The following RBL2 variants were observed in gnomAD, a reference collection of about 807,000 sequenced individuals.
RBL2 encodes RB transcriptional corepressor like 2.
RBL2 carries 56 observed loss-of-function variants against 126.0 expected under a neutral mutation model. The ratio of observed to expected loss-of-function variants is 0.44; its 90% CI spans 0.36 to 0.56. The LOEUF (loss-of-function observed/expected upper bound fraction) is 0.56. Among genes scored for constraint, RBL2 ranks in the 20% least tolerant of loss-of-function variants. RBL2 has a pLI of 0.00. For missense variants in RBL2, 1,229 were observed against 1,398.2 expected, an observed-to-expected ratio of 0.88 and a Z score of 1.93; for synonymous variants, 454 against 478.5, an observed-to-expected ratio of 0.95 and a Z score of 0.67.
Position 53,491,393 on chromosome 16 carries a change from A to ATATC in RBL2, c.*1095_*1098dup, listed in dbSNP as rs1196059434. 2.0e-5 allele frequency: 3 copies of ATATC among 152,288 alleles called. No individual in the cohort carries two copies. The highest frequency in any genetic ancestry group is 4.8e-5 in the African/African-American group (2 of 41,464). 9.4% of individuals were successfully genotyped at this position (152,288 alleles called of 1,614,324 possible). On this transcript the variant is annotated 3_prime_UTR_variant, in exon 22 of 22. Transcript: ENST00000262133. ...TATTTAACAGCTGAATTATCTATAC[A>ATATC]TATCTTTATTAATCACTATTGTTCC...
At chr16:53,469,734 T>C (rs2058302851) in intron 14 of RBL2, among the ~76,000 whole-genome samples, 182 bp from the exon 15 acceptor site, 1 of 152,250 alleles carries the variant, frequency 6.6e-6, no homozygotes, top group South Asian at 2.1e-4. Flanking sequence ...TAGTGTTCAC[T>C]GAACACGAAT....
At chr16:53,447,400 G>A (rs565808568) in intron 4 of RBL2, among the ~76,000 whole-genome samples, 4 of 152,122 alleles carry the variant, frequency 2.6e-5, no homozygotes, top group Non-Finnish European at 5.9e-5. Flanking sequence ...ACATTATTCT[G>A]TATATGCTTG....
chr16:53,472,046 T>C (rs1397813266), intron 17 of RBL2, among the ~76,000 whole-genome samples: 4 of 152,216 alleles, frequency 2.6e-5, no homozygotes, highest in Non-Finnish European at 4.4e-5. Flanking sequence ...TCCTTTTACT[T>C]AGGATAATAT....
At position 53,445,500 on chromosome 16, in the gene RBL2, C is replaced by T. The variant is rs546199585; in HGVS notation, c.573-1542C>T. On this transcript the variant is annotated intron_variant, in intron 3 of 21. Coordinates refer to ENST00000262133, the MANE Select transcript of RBL2 (RefSeq NM_005611.4). ...TCAATATGTATTACTTCAGTTAATC[C>T]CTCTGACAACCTTGTGATACTCATA... Among the ~76,000 whole-genome samples the T allele has an allele frequency of 1.9e-4, 29 of 152,042 alleles. No homozygotes were observed. In the South Asian group the frequency reaches 5.8e-3, roughly 31 times the overall value.
At chr16:53,452,561 T>G (rs2058125496) in intron 5 of RBL2, among the ~76,000 whole-genome samples, 1 of 152,176 alleles carries the variant, frequency 6.6e-6, no homozygotes, top group Non-Finnish European at 1.5e-5. Context: ...AAATTTAATG[T>G]TCCTCATATT....
rs771541370 is a variant in RBL2, at chr16:53,434,570, G to A, written c.14G>A (p.Gly5Asp). ...CAGGGGTGCGCTATGCCGTCGGGAGGTGACCAGTCGCCACCGCCCCCGCCT... is the reference window on the plus strand; with the variant it reads ...CAGGGGTGCGCTATGCCGTCGGGAGATGACCAGTCGCCACCGCCCCCGCCT... MPSG[G>D]DQSPPPPPPP... Residue 5 changes from glycine to aspartate, a missense_variant, in exon 1 of 22, where the codon GGT becomes GAT. Physicochemically the swap from Gly to Asp is moderately conservative, Grantham distance 94. Around this residue, in one of 2 missense-constraint regions of RBL2, gnomAD observed 159 missense variants for 123.9 expected, o/e 1.28. Transcript: ENST00000262133. 3 of 1,530,336 alleles carry A rather than the reference G, an allele frequency of 2.0e-6. No individual in the cohort carries two copies. Among genetic ancestry groups the A allele is most frequent in the Non-Finnish European group, 2.6e-6 (3 of 1,147,672 alleles). 94.8% of individuals were successfully genotyped at this position (1,530,336 alleles called of 1,614,324 possible).
chr16:53,462,921 A>G (rs2058236896), intron 11 of RBL2, among the ~76,000 whole-genome samples: 1 of 152,076 alleles, frequency 6.6e-6, no homozygotes. Context: ...GCTCAATGCA[A>G]CCTCCGCCTC....
intron 1 of RBL2, chr16:53,435,563 C>A: frequency 8.2e-7 from 1 of 1,218,170 alleles, no homozygotes. Context: ...TGAGTGTCAG[C>A]TTTGTATGCA....
intron 21 of RBL2, chr16:53,488,543 A>AACTT (rs1437452965): frequency 6.6e-6 from 1 of 152,206 alleles, no homozygotes; most frequent in Non-Finnish European, 1.5e-5. Context: ...TGATAGCTGA[A>AACTT]ACTTACGGGG....
chr16:53,481,875 A>G, intron 21 of RBL2, 40 bp downstream of exon 21: 8 of 1,527,334 alleles, frequency 5.2e-6, no homozygotes, highest in Non-Finnish European at 7.3e-6. Flanking sequence ...TAACCTCAAA[A>G]TGCTTCAGAT....
At chr16:53,466,992 AC>A (rs2058278618) in intron 13 of RBL2, 65 bp from the exon 14 acceptor site, 1 of 1,056,606 alleles carries the variant, frequency 9.5e-7, no homozygotes, top group Non-Finnish European at 1.4e-6. Flanking sequence ...GCCTTAGATT[AC>A]TATTGTATTT....
At chr16:53,451,280 A>G (rs897690433) in intron 4 of RBL2, among the ~76,000 whole-genome samples, 6 of 152,186 alleles carry the variant, frequency 3.9e-5, no homozygotes, top group African/African-American at 1.4e-4. Flanking sequence ...CCAAGGCAGA[A>G]GGATCACTTG....
chr16:53,463,977 T>A (rs1034911716), intron 11 of RBL2, among the ~76,000 whole-genome samples: 1 of 152,216 alleles, frequency 6.6e-6, no homozygotes, highest in Non-Finnish European at 1.5e-5. Context: ...AGAGATGTAA[T>A]CTCTTTTAAG....
chr16:53,475,079 T>A (rs748464836), intron 17 of RBL2, among the ~76,000 whole-genome samples: 4 of 152,240 alleles, frequency 2.6e-5, no homozygotes, highest in Non-Finnish European at 5.9e-5. Context: ...GAATCAGTTG[T>A]GGTAGTGTAT....
intron 4 of RBL2, among the ~76,000 whole-genome samples, chr16:53,447,416 T>C (rs979883932): frequency 6.6e-6 from 1 of 152,224 alleles, no homozygotes; most frequent in African/African-American, 2.4e-5. Flanking sequence ...GCTTGTATTG[T>C]GAACTCTATT....
chr16:53,453,094 AT>A (rs1273297314), intron 5 of RBL2, among the ~76,000 whole-genome samples: 1 of 152,088 alleles, frequency 6.6e-6, no homozygotes, highest in Non-Finnish European at 1.5e-5. Context: ...GAACAGTGTA[AT>A]TTTTTTAAAG....
rs1961403292 is a variant in RBL2, at chr16:53,490,910, C to CT, written c.*611dup. The CT allele has an allele frequency of 6.6e-6, 1 of 152,538 alleles. No homozygotes were observed. The highest frequency in any genetic ancestry group is 6.5e-5 in the Admixed American group (1 of 15,274). The allele number at this position is 152,538 out of a possible 1,614,324, so 9.4% of individuals were successfully genotyped here. On this transcript the variant is annotated 3_prime_UTR_variant, in exon 22 of 22. Transcript: ENST00000262133. ...CCTTGATTGTTCGGGTGTGCAATGT[C>CT]TGAGTGAACCTGTATAAGTGGAGGC... is the stretch of plus-strand genomic sequence containing the variant.
At chr16:53,471,102 A>G (rs893868448) in intron 17 of RBL2, among the ~76,000 whole-genome samples, 180 bp downstream of exon 17, 1 of 152,264 alleles carries the variant, frequency 6.6e-6, no homozygotes, top group African/African-American at 2.4e-5. Flanking sequence ...TTAGAACATA[A>G]TATTCCATTG....
chr16:53,481,941 C>T (rs1960968494), intron 21 of RBL2, 106 bp downstream of exon 21: 2 of 1,327,138 alleles, frequency 1.5e-6, no homozygotes, highest in Non-Finnish European at 2.1e-6. Context: ...TGAGAGCTGC[C>T]AGGGAGCAGT....
Sources: gnomAD v4.1 joint callset for allele counts (sites outside exome capture counted in the v4.1 genomes callset) on GRCh38, gnomAD v4.1.1 for gene constraint, gnomAD v4.1.1 regional missense constraint, MANE v1.5 for transcripts, NCBI Gene and HGNC (gene_info 2026-07-23, HGNC 2026-07-21) for gene names.